PNPLA6: variants seen among roughly 807,000 people sequenced by gnomAD.
PNPLA6 encodes the protein patatin like domain 6, lysophospholipase.
In PNPLA6, 105 loss-of-function variants were observed where a neutral mutation model predicts 153.7. That is an observed-to-expected ratio of 0.68 (90% confidence interval 0.58 to 0.80). The LOEUF (loss-of-function observed/expected upper bound fraction) is 0.80, where lower values mean the gene tolerates loss of function less well. Ranked by LOEUF, PNPLA6 falls within the 30% of genes least tolerant of loss-of-function variation. The pLI, the probability that PNPLA6 is intolerant of heterozygous loss-of-function variation, is 0.00. For synonymous variants in PNPLA6, 825 were observed against 822.2 expected (o/e 1.00, Z -0.06); for missense variants, 1,423 against 1,919.3 (o/e 0.74, Z 4.83).
chr19:7,540,047 C>T lies in PNPLA6; in HGVS notation c.543C>T (p.Leu181=). Residue 181 remains leucine, a synonymous_variant, in exon 4 of 32, where the codon CTC becomes CTT. Transcript: ENST00000600737. This position sits in a 1 kb window ranked among gnomAD's most constrained non-coding sequence, Gnocchi z 6.8. ...TGCCCTCTGAAGTGCTTTATATGCTCAAGAACGTCCGGTCAGTGTTGGGGT... is the reference window on the plus strand; with the variant it reads ...TGCCCTCTGAAGTGCTTTATATGCTTAAGAACGTCCGGTCAGTGTTGGGGT... The part of the protein sequence containing the change: ...SHLPSEVLYM[L]KNVRVLGHFE... The T allele has an allele frequency of 1.2e-6, 2 of 1,613,536 alleles. No homozygotes were observed. The highest frequency in any genetic ancestry group is 1.7e-6 in the Non-Finnish European group (2 of 1,179,780).
Position 7,550,354 on chromosome 19 carries a change from G to C in PNPLA6, c.1871G>C (p.Arg624Thr), listed in dbSNP as rs755228050. ...VLSAAHTVAA[R>T]MSPFVRQMDF... ...AGTGCGGCGCACACGGTGGCAGCCA[G>C]GATGTCGCCCTTCGTGCGCCAGATG... Residue 624 changes from arginine (R) to threonine (T), a missense_variant, in exon 15 of 32, where the codon AGG becomes ACG. Around this residue, in one of 10 missense-constraint regions of PNPLA6, gnomAD observed 119 missense variants for 163.7 expected, o/e 0.73. Coordinates refer to ENST00000600737, the MANE Select transcript of PNPLA6 (RefSeq NM_001166114.2). 6.2e-7 allele frequency: 1 copy of C among 1,612,474 alleles called. No homozygotes were observed. Among genetic ancestry groups the C allele is most frequent in the Admixed American group, 1.7e-5 (1 of 60,032 alleles).
At chr19:7,537,886 C>T (rs1013207206) in intron 3 of PNPLA6, among the ~76,000 whole-genome samples, 5 of 152,074 alleles carry the variant, frequency 3.3e-5, no homozygotes, top group Non-Finnish European at 7.4e-5. Flanking sequence ...GTGATCCGTC[C>T]GCCTCGGCCT....
intron 13 of PNPLA6, among the ~76,000 whole-genome samples, chr19:7,546,653 C>T (rs1843175339): frequency 6.6e-6 from 1 of 152,018 alleles, no homozygotes; most frequent in South Asian, 2.1e-4. Flanking sequence ...AGGTGATCCG[C>T]CTGCCTCACC....
At position 7,536,124 on chromosome 19, in the gene PNPLA6, T is replaced by C; in HGVS notation, c.233-67T>C. 3 of 1,529,144 alleles carry C rather than the reference T, an allele frequency of 2.0e-6. No individual in the cohort carries two copies. In the Admixed American group the frequency reaches 5.0e-5, roughly 26 times the overall value. The allele number at this position is 1,529,144 out of a possible 1,614,324, so 94.7% of individuals were successfully genotyped here. On this transcript the variant is annotated intron_variant, in intron 1 of 31. Coordinates refer to ENST00000600737, the MANE Select transcript of PNPLA6 (RefSeq NM_001166114.2). The stretch of plus-strand genomic sequence containing the variant: ...GGGATTTGCTGGCGTCTGTTCGCGG[T>C]ACCCCAGCTCTGGCAGGGTGGAGTC...
chr19:7,549,336 G>C (rs1341786139), intron 13 of PNPLA6, among the ~76,000 whole-genome samples: 2 of 150,212 alleles, frequency 1.3e-5, no homozygotes, highest in African/African-American at 4.9e-5. Flanking sequence ...ACAGGCGCCC[G>C]CCACCACACC....
chr19:7,540,548 G>C lies in PNPLA6; in HGVS notation c.715-82G>C. On this transcript the variant is annotated intron_variant, in intron 5 of 31. Coordinates refer to ENST00000600737, the MANE Select transcript of PNPLA6 (RefSeq NM_001166114.2). This position sits in a 1 kb window ranked among gnomAD's most constrained non-coding sequence, Gnocchi z 6.8. ...CCCTGAGAAGGGATGAGAAGTGTCA[G>C]TGATCATTGGGATGGATGAGGGGGC... The C allele has an allele frequency of 8.4e-7, 1 of 1,185,108 alleles. No individual in the cohort carries two copies. Among genetic ancestry groups the C allele is most frequent in the East Asian group, 2.3e-5 (1 of 42,796 alleles). 73.4% of individuals were successfully genotyped at this position (1,185,108 alleles called of 1,614,324 possible).
At chr19:7,544,819 T>TTTGCCAGC (rs2023315115) in intron 13 of PNPLA6, among the ~76,000 whole-genome samples, 2 of 151,976 alleles carry the variant, frequency 1.3e-5, no homozygotes, top group Middle Eastern at 3.2e-3. Flanking sequence ...AGTCAAGGCT[T>TTTGCCAGC]TTGCCAGCTG....
At chr19:7,558,174 G>T (rs2023964965) in intron 27 of PNPLA6, among the ~76,000 whole-genome samples, 1 of 152,222 alleles carries the variant, frequency 6.6e-6, no homozygotes, top group Non-Finnish European at 1.5e-5. Context: ...ATGGGTGCAG[G>T]TGAGAAGCGG....
chr19:7,550,947 C>T, intron 16 of PNPLA6, 47 bp from the exon 17 acceptor site: 1 of 1,373,810 alleles, frequency 7.3e-7, no homozygotes, highest in Non-Finnish European at 1.0e-6. Flanking sequence ...TCTTCGGCCT[C>T]CTCATTCCCC....
At position 7,547,104 on chromosome 19, in the gene PNPLA6, C is replaced by T. The variant is rs141280666; in HGVS notation, c.1609-2803C>T. 3.6e-3 allele frequency among the ~76,000 whole-genome samples: 549 copies of T among 152,068 alleles called. 1 individual carries two copies. The highest frequency in any genetic ancestry group is 5.8e-3 in the Non-Finnish European group (396 of 67,976). ...ATTTTTAGTAGAAACACGGTTTCAC[C>T]ATATTGGTCAGGCTGGTCTTGAACT... On this transcript the variant is annotated intron_variant, in intron 13 of 31. Coordinates refer to ENST00000600737, the MANE Select transcript of PNPLA6 (RefSeq NM_001166114.2).
chr19:7,542,258 G>A (rs2146059094), intron 10 of PNPLA6, among the ~76,000 whole-genome samples, 191 bp downstream of exon 10: 1 of 152,348 alleles, frequency 6.6e-6, no homozygotes, highest in South Asian at 2.1e-4. Flanking sequence ...GAGGGAGAGT[G>A]CAGGCGTTGA....
upstream of PNPLA6, chr19:7,534,593 C>CTT (rs2022754044): frequency 1.3e-5 from 2 of 153,822 alleles, no homozygotes; most frequent in Non-Finnish European, 2.9e-5. Flanking sequence ...AGCCCGGACG[C>CTT]CCTCCCCAGG....
intron 3 of PNPLA6, among the ~76,000 whole-genome samples, chr19:7,537,926 G>A (rs527264161): frequency 1.3e-5 from 2 of 151,754 alleles, no homozygotes; most frequent in East Asian, 2.0e-4. Context: ...AGGCATGAGC[G>A]ACTGAGCCCG....
At chr19:7,559,581 G>A (rs1406276083) in intron 28 of PNPLA6, among the ~76,000 whole-genome samples, 6 of 149,552 alleles carry the variant, frequency 4.0e-5, no homozygotes. Flanking sequence ...GCTCATGCTT[G>A]TAATCCCAGC....
At chr19:7,545,388 C>T (rs953008190) in intron 13 of PNPLA6, among the ~76,000 whole-genome samples, 3 of 152,148 alleles carry the variant, frequency 2.0e-5, no homozygotes, top group Non-Finnish European at 4.4e-5. Flanking sequence ...GGGACTGTGC[C>T]TCACCCAGGG....
intron 17 of PNPLA6, 94 bp from the exon 18 acceptor site, chr19:7,551,268 C>A (rs957782456): frequency 4.5e-6 from 6 of 1,329,940 alleles, no homozygotes; most frequent in African/African-American, 2.9e-5. Context: ...ACCCAGGTAA[C>A]GGGCACCCAG....
chr19:7,541,674 T>G lies in PNPLA6; in HGVS notation c.1158T>G (p.Pro386=). 1 of 1,571,946 alleles carries G rather than the reference T, an allele frequency of 6.4e-7. No homozygotes were observed. The highest frequency in any genetic ancestry group is 1.2e-5 in the South Asian group (1 of 86,786). Residue 386 remains proline (P), a synonymous_variant, in exon 9 of 32, where the codon CCT becomes CCG. Transcript: ENST00000600737. The surrounding 1 kb of genome is among the most constrained non-coding windows in gnomAD (Gnocchi z 5.2). ...RPPDPTGAPL[P]GPTGDPVKPT... ...CCGATCCCACCGGGGCCCCGCTGCCTGGACCTACAGGTACCCAGGGACCCG... is the reference window on the plus strand; with the variant it reads ...CCGATCCCACCGGGGCCCCGCTGCCGGGACCTACAGGTACCCAGGGACCCG...
chr19:7,556,365 A>G (rs944885246), intron 24 of PNPLA6, 88 bp from the exon 25 acceptor site: 2 of 839,550 alleles, frequency 2.4e-6, no homozygotes, highest in South Asian at 2.6e-5. Flanking sequence ...CCTGGCCCCT[A>G]AGTGCTGCTT....
chr19:7,554,717 CGG>C lies in PNPLA6; in HGVS notation c.2629_2630del (p.Gly877ProfsTer15), dbSNP rs1568419695. ...VGLGDQEPTLGQLEQMLENTA... is the reference protein window; with the variant it reads ...VGLGDQEPTLXQLEQMLENTA... The stretch of plus-strand genomic sequence containing the variant: ...GCCTGGGGGACCAGGAGCCTACCCT[CGG>C]CCAGGTCGGAAGCCCGTGCCCCCTG... On this transcript the variant is annotated frameshift_variant, in exon 21 of 32. Coordinates refer to ENST00000600737, the MANE Select transcript of PNPLA6 (RefSeq NM_001166114.2). LOFTEE classifies it high-confidence loss of function. 1 of 1,612,656 alleles carries C rather than the reference CGG, an allele frequency of 6.2e-7. No individual in the cohort carries two copies. Among genetic ancestry groups the C allele is most frequent in the South Asian group, 1.1e-5 (1 of 91,066 alleles).
Sources: allele counts gnomAD v4.1 joint callset (sites outside exome capture counted in the v4.1 genomes callset), GRCh38; gene constraint gnomAD v4.1.1; regional missense constraint gnomAD v4.1.1; non-coding constraint Gnocchi (gnomAD v3.1); transcripts MANE v1.5; gene names NCBI Gene and HGNC (gene_info 2026-07-23, HGNC 2026-07-21).